KIAA0513: variants seen among roughly 807,000 people sequenced by gnomAD.
KIAA0513 encodes KIAA0513, also known as uncharacterized protein KIAA0513.
Under a neutral mutation model 56.5 loss-of-function variants are expected in KIAA0513, and 39 were observed. The observed-to-expected ratio is 0.69, with a 90% CI of 0.53 to 0.90. The LOEUF (loss-of-function observed/expected upper bound fraction) is 0.90. KIAA0513 is among the 40% of genes least tolerant of loss of function. The pLI is 0.00. For missense variants in KIAA0513, 591 were observed against 535.2 expected (o/e 1.10, Z -1.03); for synonymous variants, 268 against 215.6 (o/e 1.24, Z -2.13).
At chr16:85,053,652 G>A (rs2073286009) in intron 1 of KIAA0513, among the ~76,000 whole-genome samples, 1 of 152,092 alleles carries the variant, frequency 6.6e-6, no homozygotes, top group African/African-American at 2.4e-5. Context: ...TTGAGCCCAG[G>A]AGTTCAGAAT....
chr16:85,056,504 C>G (rs1259381063), intron 1 of KIAA0513, among the ~76,000 whole-genome samples: 1 of 152,212 alleles, frequency 6.6e-6, no homozygotes, highest in Non-Finnish European at 1.5e-5. Context: ...ATGTGGGTCC[C>G]TCTCCAGGAA....
chr16:85,067,270 G>A lies in KIAA0513; in HGVS notation c.199G>A (p.Asp67Asn). ...CGAGTCGCCCTCGCACCCGTCCTGGGACCAAGACCGCCGTTCCTCCTCCAA... is the reference window on the plus strand; with the variant it reads ...CGAGTCGCCCTCGCACCCGTCCTGGAACCAAGACCGCCGTTCCTCCTCCAA... ...MGESPSHPSWDQDRRSSSNES... is the reference protein window; with the variant it reads ...MGESPSHPSWNQDRRSSSNES... Residue 67 changes from aspartate to asparagine, a missense_variant, in exon 2 of 13, where the codon GAC becomes AAC. Physicochemically the swap from Asp to Asn is conservative, Grantham distance 23. Transcript: ENST00000683363. 1.2e-6 allele frequency: 2 copies of A among 1,614,016 alleles called. No individual in the cohort carries two copies. The highest frequency in any genetic ancestry group is 1.7e-6 in the Non-Finnish European group (2 of 1,180,026).
chr16:85,043,590 C>T (rs35006889), intron 1 of KIAA0513, among the ~76,000 whole-genome samples: 58,289 of 151,136 alleles, frequency 0.39, 12,294 homozygotes, highest in African/African-American at 0.56. Flanking sequence ...CTTTCATATT[C>T]TTAGCAGGGA....
chr16:85,070,209 T>A (rs2073552824), intron 2 of KIAA0513, among the ~76,000 whole-genome samples: 1 of 151,784 alleles, frequency 6.6e-6, no homozygotes, highest in African/African-American at 2.4e-5. Context: ...TTTTGCGTTT[T>A]ACTCTGCAGA....
At chr16:85,041,308 C>T (rs547159511) in intron 1 of KIAA0513, among the ~76,000 whole-genome samples, 7 of 152,246 alleles carry the variant, frequency 4.6e-5, no homozygotes, top group African/African-American at 1.7e-4. Flanking sequence ...GAATATCTTC[C>T]GTTGTATGAC....
intron 8 of KIAA0513, among the ~76,000 whole-genome samples, chr16:85,080,964 A>T (rs959017139): frequency 6.6e-6 from 1 of 152,128 alleles, no homozygotes; most frequent in Non-Finnish European, 1.5e-5. Flanking sequence ...GGGAGTCCCA[A>T]CGGGAAAGGC....
At chr16:85,061,719 A>C (rs1290485437) in intron 1 of KIAA0513, among the ~76,000 whole-genome samples, 1 of 152,150 alleles carries the variant, frequency 6.6e-6, no homozygotes, top group Non-Finnish European at 1.5e-5. Flanking sequence ...AATCAGTGTG[A>C]GCACAGCTCC....
intron 1 of KIAA0513, among the ~76,000 whole-genome samples, chr16:85,052,916 C>T (rs898550273): frequency 1.1e-4 from 16 of 151,772 alleles, no homozygotes; most frequent in African/African-American, 7.3e-5. Context: ...ATTTTGAGAC[C>T]GTCTCGCTCT....
intron 1 of KIAA0513, among the ~76,000 whole-genome samples, chr16:85,064,005 C>CTTTT (rs11403480): frequency 4.0e-5 from 5 of 124,890 alleles, no homozygotes; most frequent in South Asian, 5.0e-4. Flanking sequence ...TATTTATTTA[C>CTTTT]TTTTTTTTTT....
At chr16:85,063,791 T>C (rs1457195757) in intron 1 of KIAA0513, 1 of 152,078 alleles carries the variant, frequency 6.6e-6, no homozygotes, top group Non-Finnish European at 1.5e-5. Context: ...GTATACATGA[T>C]TGTAATTAGA....
At chr16:85,049,842 T>C (rs1028587080) in intron 1 of KIAA0513, among the ~76,000 whole-genome samples, 1 of 152,212 alleles carries the variant, frequency 6.6e-6, no homozygotes, top group Non-Finnish European at 1.5e-5. Context: ...GCCCGAGTCC[T>C]GCATCTCTTA....
chr16:85,076,369 T>C lies in KIAA0513; in HGVS notation c.574+455T>C, dbSNP rs941389907. ...CCAGGGATGGGCTGGAGATGGCTTATGAGGAGTGCGGACTGTGCTTGATGC... is the reference window on the plus strand; with the variant it reads ...CCAGGGATGGGCTGGAGATGGCTTACGAGGAGTGCGGACTGTGCTTGATGC... On this transcript the variant is annotated intron_variant, in intron 5 of 12. Transcript: ENST00000683363. The surrounding 1 kb of genome is among the most constrained non-coding windows in gnomAD (Gnocchi z 4.7). 1.3e-5 allele frequency among the ~76,000 whole-genome samples: 2 copies of C among 152,184 alleles called. No individual in the cohort carries two copies. Among genetic ancestry groups the C allele is most frequent in the African/African-American group, 4.8e-5 (2 of 41,446 alleles).
Position 85,092,554 on chromosome 16 carries a change from C to G in KIAA0513, c.*4229C>G, listed in dbSNP as rs1032088122. 7 of 152,204 alleles carry G rather than the reference C, an allele frequency of 4.6e-5. No individual in the cohort carries two copies. Among genetic ancestry groups the G allele is most frequent in the African/African-American group, 1.7e-4 (7 of 41,454 alleles). 9.4% of individuals were successfully genotyped at this position (152,204 alleles called of 1,614,324 possible). Reference sequence around the variant, plus strand: ...TTTCCGCAGCCACAAGGCGAAACGGCCAGATTCTCACTCAAGGTCGTTCTC... The same window carrying G: ...TTTCCGCAGCCACAAGGCGAAACGGGCAGATTCTCACTCAAGGTCGTTCTC... On this transcript the variant is annotated 3_prime_UTR_variant, in exon 13 of 13. Transcript: ENST00000683363.
chr16:85,054,754 C>T (rs998857729), intron 1 of KIAA0513, among the ~76,000 whole-genome samples: 11 of 151,932 alleles, frequency 7.2e-5, no homozygotes, highest in African/African-American at 2.7e-4. Flanking sequence ...TGTACAGTAT[C>T]ATCCTGTCGC....
At chr16:85,034,777 G>A (rs776433288) in intron 1 of KIAA0513, among the ~76,000 whole-genome samples, 7 of 152,124 alleles carry the variant, frequency 4.6e-5, no homozygotes, top group Non-Finnish European at 7.4e-5. Context: ...CAAGGTTACC[G>A]TCCCCATTTC....
chr16:85,077,522 G>A lies in KIAA0513; in HGVS notation c.672G>A (p.Lys224=). ...KSANSWLAEK[K]DIAERLLKNT... ...CAAACAGCTGGCTGGCCGAAAAGAAGGACATCGCCGAGCGGCTGCTGAAGA... is the reference window on the plus strand; with the variant it reads ...CAAACAGCTGGCTGGCCGAAAAGAAAGACATCGCCGAGCGGCTGCTGAAGA... The change falls in exon 6 of 13, where the codon AAG becomes AAA. Residue 224 remains lysine, a synonymous_variant. Coordinates refer to ENST00000683363, the MANE Select transcript of KIAA0513 (RefSeq NM_001388359.1). 1 of 1,614,208 alleles carries A rather than the reference G, an allele frequency of 6.2e-7. No individual in the cohort carries two copies. The highest frequency in any genetic ancestry group is 8.5e-7 in the Non-Finnish European group (1 of 1,180,040).
intron 1 of KIAA0513, among the ~76,000 whole-genome samples, chr16:85,033,683 G>T (rs1597585679): frequency 6.6e-6 from 1 of 151,996 alleles, no homozygotes; most frequent in South Asian, 2.1e-4. Context: ...AGGGATGGGG[G>T]AGGGTAGAGC....
At chr16:85,044,520 T>A (rs1468167956) in intron 1 of KIAA0513, among the ~76,000 whole-genome samples, 2 of 151,812 alleles carry the variant, frequency 1.3e-5, no homozygotes, top group Non-Finnish European at 2.9e-5. Context: ...ATTTTTTTTT[T>A]TTTTTGAGAC....
At chr16:85,031,534 C>A (rs1056944562) in intron 1 of KIAA0513, among the ~76,000 whole-genome samples, 9 of 152,228 alleles carry the variant, frequency 5.9e-5, no homozygotes, top group African/African-American at 2.2e-4. Flanking sequence ...TCCCCAGCAG[C>A]TTCCCAGGAC....
Sources: allele counts gnomAD v4.1 joint callset (sites outside exome capture counted in the v4.1 genomes callset), GRCh38; gene constraint gnomAD v4.1.1; non-coding constraint Gnocchi (gnomAD v3.1); transcripts MANE v1.5; gene names NCBI Gene and HGNC (gene_info 2026-07-23, HGNC 2026-07-21).